The following MED30 variants were observed in gnomAD, a reference collection of about 807,000 sequenced individuals.
The protein encoded by MED30 is mediator complex subunit 30.
MED30 carries 8 observed loss-of-function variants against 21.7 expected under a neutral mutation model. That is an observed-to-expected ratio of 0.37 (90% CI 0.22 to 0.67). MED30 has a LOEUF of 0.67. MED30 is among the 30% of genes least tolerant of loss of function. The pLI is 0.58. For synonymous variants in MED30, 79 were observed against 86.7 expected (o/e 0.91, Z 0.49); for missense variants, 203 against 228.2 (o/e 0.89, Z 0.71).
intron 3 of MED30, among the ~76,000 whole-genome samples, chr8:117,534,578 G>A (rs772369748): frequency 4.8e-4 from 73 of 152,106 alleles, no homozygotes; most frequent in Non-Finnish European, 9.3e-4. Context: ...AATGAACCAG[G>A]TTTAAAGCTA....
At chr8:117,523,506 C>T (rs1818665992) in intron 1 of MED30, 2 of 1,592,266 alleles carry the variant, frequency 1.3e-6, no homozygotes, top group African/African-American at 1.3e-5. Flanking sequence ...TCTCCGGGGG[C>T]AGATGAAGGT....
At chr8:117,523,549 A>T (rs1458604931) in intron 1 of MED30, 25 of 1,600,488 alleles carry the variant, frequency 1.6e-5, no homozygotes, top group South Asian at 4.4e-5. Flanking sequence ...CTCATTGGTA[A>T]GGTACCAGTA....
rs1380690806 is a variant in MED30 at position 117,520,898 on chromosome 8, G to T, written c.22G>T (p.Ala8Ser). Residue 8 changes from alanine to serine, a missense_variant, in exon 1 of 4, where the codon GCG (alanine) becomes TCG (serine). Coordinates refer to ENST00000297347, the MANE Select transcript of MED30 (RefSeq NM_080651.4). The part of the protein sequence containing the change: MSTPPLA[A>S]SGMAPGPFAG... ...CGCCATGTCCACCCCTCCGTTGGCC[G>T]CGTCGGGGATGGCGCCCGGGCCCTT... 1 of 1,604,716 alleles carries T rather than the reference G, an allele frequency of 6.2e-7. No individual in the cohort carries two copies.
chr8:117,531,854 C>T (rs749982476), intron 3 of MED30, among the ~76,000 whole-genome samples: 23 of 151,816 alleles, frequency 1.5e-4, no homozygotes, highest in African/African-American at 2.4e-5. Flanking sequence ...AGACAGTGGA[C>T]AAATGACAGT....
chr8:117,524,068 C>A, intron 1 of MED30: 1 of 171,310 alleles, frequency 5.8e-6, no homozygotes. Context: ...ATTTCGGCCA[C>A]TGTAGGGTCT....
At chr8:117,521,159 C>A in intron 1 of MED30, 106 bp downstream of exon 1, 4 of 1,119,900 alleles carry the variant, frequency 3.6e-6, no homozygotes, top group Non-Finnish European at 5.0e-6. Flanking sequence ...CTGCCCTGGG[C>A]AAACCTTAGG....
At chr8:117,539,632 A>T (rs1586867795) in intron 3 of MED30, among the ~76,000 whole-genome samples, 1 of 152,264 alleles carries the variant, frequency 6.6e-6, no homozygotes, top group East Asian at 1.9e-4. Flanking sequence ...TTTATGGTGG[A>T]AGTGGAAGAG....
chr8:117,536,241 A>T (rs373171972), intron 3 of MED30, among the ~76,000 whole-genome samples: 1 of 152,140 alleles, frequency 6.6e-6, no homozygotes, highest in East Asian at 1.9e-4. Context: ...TGTTTCATGT[A>T]CCCATTTCAT....
chr8:117,539,775 T>A (rs1299960192), intron 3 of MED30, 108 bp from the exon 4 acceptor site: 1 of 692,508 alleles, frequency 1.4e-6, no homozygotes, highest in Admixed American at 2.6e-5. Flanking sequence ...GTTATTTAGC[T>A]TAATTTCTGT....
chr8:117,523,485 G>A, intron 1 of MED30: 1 of 1,588,740 alleles, frequency 6.3e-7, no homozygotes, highest in East Asian at 2.2e-5. Flanking sequence ...GGCGTAGGGT[G>A]GCAGGAACAA....
rs1818656830 is a variant in MED30, at chr8:117,523,169, A to C, written c.177+2116A>C. 6 of 646,010 alleles carry C rather than the reference A, an allele frequency of 9.3e-6. No homozygotes were observed. In the East Asian group the frequency reaches 1.6e-4, roughly 18 times the overall value. The allele number at this position is 646,010 out of a possible 1,614,324, so 40.0% of individuals were successfully genotyped here. ...AAAGTATTTTATCAATAACTAGATT[A>C]CATGTGGACCTGCATTCAAAGCCAA... On this transcript the variant is annotated intron_variant, in intron 1 of 3. Transcript: ENST00000297347.
chr8:117,521,211 G>A (rs1162188636), intron 1 of MED30, among the ~76,000 whole-genome samples, 158 bp downstream of exon 1: 1 of 152,170 alleles, frequency 6.6e-6, no homozygotes, highest in Non-Finnish European at 1.5e-5. Context: ...GTCCCCAAAA[G>A]TCGGATTTGT....
At chr8:117,537,618 C>T (rs927800647) in intron 3 of MED30, among the ~76,000 whole-genome samples, 3 of 151,926 alleles carry the variant, frequency 2.0e-5, no homozygotes, top group Non-Finnish European at 4.4e-5. Context: ...TTAGTTGTTA[C>T]TTTTTTAAAA....
chr8:117,527,639 T>C (rs1437657247), intron 1 of MED30, among the ~76,000 whole-genome samples: 1 of 64,534 alleles, frequency 1.5e-5, no homozygotes, highest in Non-Finnish European at 3.8e-5. Context: ...TTTCTTTCTT[T>C]TTTTTTTTTT....
Position 117,528,748 on chromosome 8 carries a change from T to C in MED30, c.275T>C (p.Leu92Pro). The change falls in exon 2 of 4, where the codon CTG (leucine) becomes CCG (proline). Residue 92 changes from leucine (L) to proline (P), a missense_variant. Leu to Pro is a moderately conservative substitution (Grantham distance 98, BLOSUM62 -3). Coordinates refer to ENST00000297347, the MANE Select transcript of MED30 (RefSeq NM_080651.4). ...LRQLSVLFRK[L>P]RLVYDKCNEN... is the part of the protein sequence containing the mutation. ...CAACTTTCAGTTCTCTTCAGGAAGC[T>C]GAGATTGGTATATGACAAATGCAAT... 2 of 1,611,022 alleles carry C rather than the reference T, an allele frequency of 1.2e-6. No individual in the cohort carries two copies. Among genetic ancestry groups the C allele is most frequent in the Admixed American group, 1.7e-5 (1 of 59,546 alleles).
chr8:117,523,195 C>CT (rs202104794), intron 1 of MED30: 17,449 of 558,532 alleles, frequency 0.031, no homozygotes, highest in East Asian at 0.06. Context: ...TCAAAGCCAA[C>CT]TTTTTTTTTT....
At position 117,534,075 on chromosome 8, in the gene MED30, G is replaced by C. The variant is rs181304704; in HGVS notation, c.441+3248G>C. ...GGCAGACTTTTTGTTTAAACTACTA[G>C]ATAGTCAATCTTTTAACCATTCCTC... On this transcript the variant is annotated intron_variant, in intron 3 of 3. Transcript: ENST00000297347. Among the ~76,000 whole-genome samples, 368 of 152,114 alleles carry C rather than the reference G, an allele frequency of 2.4e-3. 3 individuals are homozygous for C. The highest frequency in any genetic ancestry group is 8.6e-3 in the African/African-American group (358 of 41,494).
intron 3 of MED30, among the ~76,000 whole-genome samples, chr8:117,532,949 C>T (rs1180690038): frequency 6.6e-6 from 1 of 151,790 alleles, no homozygotes. Context: ...TATGTATTAC[C>T]TCAATAAATG....
intron 2 of MED30, among the ~76,000 whole-genome samples, chr8:117,530,177 C>A (rs1818774383): frequency 6.6e-6 from 1 of 152,004 alleles, no homozygotes; most frequent in African/African-American, 2.4e-5. Flanking sequence ...GTTCTCACAA[C>A]TGCGAAAACT....
Sources: gnomAD v4.1 joint callset for allele counts (sites outside exome capture counted in the v4.1 genomes callset) on GRCh38, gnomAD v4.1.1 for gene constraint, MANE v1.5 for transcripts, NCBI Gene and HGNC (gene_info 2026-07-23, HGNC 2026-07-21) for gene names.